The following RALGPS1 variants were observed in gnomAD, a reference collection of about 807,000 sequenced individuals.
RALGPS1 encodes the protein ras-specific guanine nucleotide-releasing factor RalGPS1.
Under a neutral mutation model 78.8 loss-of-function variants are expected in RALGPS1, and 19 were observed. The observed-to-expected ratio is 0.24, with a 90% CI of 0.17 to 0.35. The LOEUF is 0.35. RALGPS1 is among the 10% of genes least tolerant of loss of function. The probability of loss-of-function intolerance (pLI) is 1.00; values close to 1 mark genes in which losing one functional copy is unlikely to be tolerated. For synonymous variants in RALGPS1, 228 were observed against 256.3 expected, an observed-to-expected ratio of 0.89 and a Z score of 1.06; for missense variants, 454 against 688.3, an observed-to-expected ratio of 0.66 and a Z score of 3.81.
At chr9:127,089,239 T>G in intron 8 of RALGPS1, 1 of 1,296,704 alleles carries the variant, frequency 7.7e-7, no homozygotes, top group South Asian at 1.3e-5. Flanking sequence ...GGGAGGCATC[T>G]GGAGCAAGAA....
intron 4 of RALGPS1, among the ~76,000 whole-genome samples, chr9:127,007,339 T>C (rs1008401223): frequency 6.6e-6 from 1 of 152,232 alleles, no homozygotes; most frequent in Non-Finnish European, 1.5e-5. Context: ...CTTCTATGAC[T>C]GGGTGCTTCC....
At chr9:127,046,553 C>T (rs558921798) in intron 5 of RALGPS1, among the ~76,000 whole-genome samples, 3 of 151,622 alleles carry the variant, frequency 2.0e-5, no homozygotes, top group South Asian at 4.2e-4. Context: ...CCAATGTCTA[C>T]ATGCTCTTGG....
chr9:126,951,682 G>A (rs1390358655), intron 1 of RALGPS1, among the ~76,000 whole-genome samples: 1 of 152,078 alleles, frequency 6.6e-6, no homozygotes, highest in African/African-American at 2.4e-5. Flanking sequence ...AATAATAAGA[G>A]CTATTTATGA....
intron 8 of RALGPS1, among the ~76,000 whole-genome samples, chr9:127,095,678 G>GTGCC (rs1271327583): frequency 2.0e-5 from 3 of 152,142 alleles, no homozygotes; most frequent in African/African-American, 7.2e-5. Flanking sequence ...TTGAAGGGAG[G>GTGCC]TGCCCATCAG....
At chr9:127,148,874 A>G (rs1294178986) in intron 8 of RALGPS1, among the ~76,000 whole-genome samples, 1 of 152,166 alleles carries the variant, frequency 6.6e-6, no homozygotes, top group African/African-American at 2.4e-5. Context: ...TGGCGGAGGG[A>G]GAACACGTTG....
chr9:127,084,137 G>A (rs2051447664), intron 8 of RALGPS1, among the ~76,000 whole-genome samples: 1 of 152,040 alleles, frequency 6.6e-6, no homozygotes, highest in African/African-American at 2.4e-5. Flanking sequence ...ATGTTGCCTA[G>A]GCTGGTTTCA....
chr9:126,915,801 T>C (rs929235962), intron 1 of RALGPS1, among the ~76,000 whole-genome samples: 27 of 152,050 alleles, frequency 1.8e-4, no homozygotes, highest in African/African-American at 6.0e-4. Flanking sequence ...TTGGTTGTCA[T>C]TGGATGATCG....
Position 127,151,240 on chromosome 9 carries a change from C to T in RALGPS1, c.611-14829C>T, listed in dbSNP as rs115945597. 7.4e-3 allele frequency among the ~76,000 whole-genome samples: 1,121 copies of T among 151,640 alleles called. 13 individuals carry two copies. The highest frequency in any genetic ancestry group is 0.026 in the African/African-American group (1,068 of 41,316). Reference sequence around the variant, plus strand: ...AGAAGTTGACAGCTGCTGCTGCCGCCGGTCTGTGATGGTGAAACAACCCCA... The same window carrying T: ...AGAAGTTGACAGCTGCTGCTGCCGCTGGTCTGTGATGGTGAAACAACCCCA... On this transcript the variant is annotated intron_variant, in intron 8 of 18. Coordinates refer to ENST00000259351, the MANE Select transcript of RALGPS1 (RefSeq NM_014636.3).
chr9:126,949,219 A>G (rs1261106089), intron 1 of RALGPS1, among the ~76,000 whole-genome samples: 2 of 152,156 alleles, frequency 1.3e-5, no homozygotes, highest in Non-Finnish European at 2.9e-5. Context: ...TCATTGTTGG[A>G]CATTTGGGTT....
chr9:127,194,664 C>T (rs775972172), intron 11 of RALGPS1, among the ~76,000 whole-genome samples: 11 of 152,202 alleles, frequency 7.2e-5, no homozygotes, highest in Admixed American at 3.9e-4. Context: ...CCACCTGCCT[C>T]GGCCTCCCAA....
chr9:127,187,372 C>A (rs1397724516), intron 11 of RALGPS1, among the ~76,000 whole-genome samples: 1 of 152,204 alleles, frequency 6.6e-6, no homozygotes, highest in Admixed American at 6.5e-5. Context: ...AGCTAGCCTT[C>A]CTCCCCAGCC....
intron 4 of RALGPS1, among the ~76,000 whole-genome samples, chr9:126,998,022 A>C (rs2042934436): frequency 6.6e-6 from 1 of 152,242 alleles, no homozygotes; most frequent in African/African-American, 2.4e-5. Flanking sequence ...AATTAATTCA[A>C]GATGGATTAA....
At chr9:127,128,038 C>T (rs1485193283) in intron 8 of RALGPS1, among the ~76,000 whole-genome samples, 1 of 150,222 alleles carries the variant, frequency 6.7e-6, no homozygotes, top group East Asian at 2.0e-4. Context: ...CCCCCACCCC[C>T]CTCTCTGTGT....
At chr9:127,168,865 C>A in intron 10 of RALGPS1, 93 bp downstream of exon 10, 1 of 1,013,514 alleles carries the variant, frequency 9.9e-7, no homozygotes, top group Non-Finnish European at 1.5e-6. Context: ...CTTGTTGGGA[C>A]CAGTGAGTAG....
At chr9:127,102,045 T>G (rs2053783284) in intron 8 of RALGPS1, among the ~76,000 whole-genome samples, 1 of 152,104 alleles carries the variant, frequency 6.6e-6, no homozygotes, top group South Asian at 2.1e-4. Context: ...AGAGCCGAAG[T>G]TGAGGCAGTG....
chr9:127,009,378 C>T (rs1024441957), intron 4 of RALGPS1, among the ~76,000 whole-genome samples: 2 of 152,190 alleles, frequency 1.3e-5, no homozygotes, highest in Admixed American at 6.5e-5. Context: ...TTTCTCAACA[C>T]CTGTGGCCCA....
chr9:127,154,469 A>G (rs1319245143), intron 8 of RALGPS1, among the ~76,000 whole-genome samples: 1 of 152,216 alleles, frequency 6.6e-6, no homozygotes, highest in African/African-American at 2.4e-5. Flanking sequence ...TAAATTCACA[A>G]TCAGATGCCT....
intron 1 of RALGPS1, among the ~76,000 whole-genome samples, chr9:126,959,074 T>A (rs1478232756): frequency 6.6e-6 from 1 of 151,690 alleles, no homozygotes; most frequent in Non-Finnish European, 1.5e-5. Context: ...CTTTTTTTTT[T>A]TTTTTTGAGG....
intron 7 of RALGPS1, among the ~76,000 whole-genome samples, chr9:127,061,357 T>C (rs2049197983): frequency 6.6e-6 from 1 of 152,208 alleles, no homozygotes; most frequent in African/African-American, 2.4e-5. Context: ...TTCTTTTCGA[T>C]TTGCTGTTCA....
Sources: gnomAD v4.1 joint callset for allele counts (sites outside exome capture counted in the v4.1 genomes callset) on GRCh38, gnomAD v4.1.1 for gene constraint, MANE v1.5 for transcripts, NCBI Gene and HGNC (gene_info 2026-07-23, HGNC 2026-07-21) for gene names.